The following CCDC178 variants were observed in gnomAD, a reference collection of about 807,000 sequenced individuals.
CCDC178 encodes the protein coiled-coil domain containing 178.
Under a neutral mutation model 117.4 loss-of-function variants are expected in CCDC178, and 126 were observed. The ratio of observed to expected loss-of-function variants is 1.07; its 90% CI spans 0.93 to 1.24. The LOEUF (loss-of-function observed/expected upper bound fraction) is 1.24, where lower values mean the gene tolerates loss of function less well. CCDC178 is among the 50% of genes most tolerant of loss of function. CCDC178 has a pLI of 0.00. For missense variants in CCDC178, 1,030 were observed against 986.9 expected (o/e 1.04, Z -0.59); for synonymous variants, 283 against 313.4 (o/e 0.90, Z 1.02).
chr18:32,956,677 TATAAAGTACTGTAGAAAC>T (rs1250628348), intron 22 of CCDC178: 1 of 152,118 alleles, frequency 6.6e-6, no homozygotes, highest in Non-Finnish European at 1.5e-5. Flanking sequence ...AAATTGAAAA[TATAAAGTACTGTAGAAAC>T]ATGAGCCAAG....
intron 20 of CCDC178, among the ~76,000 whole-genome samples, chr18:33,099,390 A>T (rs182780140): frequency 3.9e-5 from 6 of 152,018 alleles, no homozygotes; most frequent in Admixed American, 3.9e-4. Flanking sequence ...CACTGGAATG[A>T]TAGTTTTGCA....
chr18:32,963,135 T>C (rs2054741671), intron 22 of CCDC178, among the ~76,000 whole-genome samples: 1 of 152,070 alleles, frequency 6.6e-6, no homozygotes, highest in Non-Finnish European at 1.5e-5. Context: ...CCTAGGTTTA[T>C]GTCCTGAGGA....
chr18:33,376,516 G>C (rs953747897), intron 5 of CCDC178, among the ~76,000 whole-genome samples: 28 of 152,128 alleles, frequency 1.8e-4, no homozygotes, highest in Non-Finnish European at 8.8e-5. Flanking sequence ...ATGGTGTAAT[G>C]CTGAGGTTTG....
In CCDC178 at chr18:33,319,050, T is replaced by A. The variant is rs960552733; in HGVS notation, c.1022+4441A>T. On this transcript the variant is annotated intron_variant, in intron 11 of 22. Coordinates refer to ENST00000383096, the MANE Select transcript of CCDC178 (RefSeq NM_001105528.4). ...TCTCTCTTTTTTTAAATATATATAT[T>A]TTTTATTATACTTTAAGTTCTAGGG... 5.3e-5 allele frequency among the ~76,000 whole-genome samples: 8 copies of A among 152,124 alleles called. No homozygotes were observed. The East Asian group carries it at 5.8e-4, about 11-fold the overall frequency.
At chr18:33,226,708 G>T in intron 16 of CCDC178, 85 bp downstream of exon 16, 1 of 877,918 alleles carries the variant, frequency 1.1e-6, no homozygotes, top group Non-Finnish European at 1.8e-6. Flanking sequence ...GTAGTGACAA[G>T]ATGCCTCATT....
intron 22 of CCDC178, among the ~76,000 whole-genome samples, chr18:32,969,097 C>T (rs1053917572): frequency 5.9e-5 from 9 of 152,042 alleles, no homozygotes; most frequent in African/African-American, 2.2e-4. Flanking sequence ...TTTAATCTTA[C>T]TAAACCAGTT....
intron 9 of CCDC178, among the ~76,000 whole-genome samples, chr18:33,343,845 C>T (rs925464873): frequency 6.6e-6 from 1 of 152,122 alleles, no homozygotes; most frequent in Admixed American, 6.5e-5. Flanking sequence ...GTCTTACATG[C>T]TATATACTTT....
At chr18:33,126,573 T>C (rs2058006713) in intron 20 of CCDC178, among the ~76,000 whole-genome samples, 1 of 151,932 alleles carries the variant, frequency 6.6e-6, no homozygotes, top group Non-Finnish European at 1.5e-5. Context: ...AGTCTTGCAG[T>C]CAGCCCTGTG....
At chr18:33,063,779 C>G (rs1008349269) in intron 21 of CCDC178, among the ~76,000 whole-genome samples, 1 of 152,200 alleles carries the variant, frequency 6.6e-6, no homozygotes, top group African/African-American at 2.4e-5. Flanking sequence ...ACCTGGAGTT[C>G]TGAAGACTGG....
chr18:33,317,063 G>A (rs2062429463), intron 11 of CCDC178, among the ~76,000 whole-genome samples: 2 of 152,240 alleles, frequency 1.3e-5, no homozygotes, highest in South Asian at 2.1e-4. Flanking sequence ...CCAGATAAGA[G>A]AATAAAATCA....
At chr18:33,394,945 A>ATGTATG (rs1389405596) in intron 4 of CCDC178, among the ~76,000 whole-genome samples, 9 of 34,176 alleles carry the variant, frequency 2.6e-4, no homozygotes, top group Non-Finnish European at 4.7e-4. Flanking sequence ...ATGTATGTGT[A>ATGTATG]TATATATATA....
rs1170834878 is a variant in CCDC178 at position 33,333,339 on chromosome 18, T to G, written c.714A>C (p.Lys238Asn). The G allele has an allele frequency of 6.2e-7, 1 of 1,612,204 alleles. No homozygotes were observed. Among genetic ancestry groups the G allele is most frequent in the African/African-American group, 1.3e-5 (1 of 74,868 alleles). ...TTTCAAAATGTTGTAGTTGATTAGC[T>G]TTATCTTCAAGATGCCATTGTAATT... is the stretch of plus-strand genomic sequence containing the variant. ...VIELQWHLED[K>N]ANQLQHFEKQ... is the part of the protein sequence containing the mutation. The change falls in exon 10 of 23, where the codon AAA becomes AAC. Residue 238 changes from lysine to asparagine, a missense_variant. Coordinates refer to ENST00000383096, the MANE Select transcript of CCDC178 (RefSeq NM_001105528.4).
chr18:32,995,529 A>G (rs1272629782), intron 21 of CCDC178, among the ~76,000 whole-genome samples: 3 of 152,158 alleles, frequency 2.0e-5, no homozygotes, highest in African/African-American at 7.2e-5. Context: ...ATGTATACAA[A>G]ATAAACAACT....
intron 20 of CCDC178, among the ~76,000 whole-genome samples, chr18:33,177,334 C>T (rs2058675939): frequency 6.6e-6 from 1 of 151,944 alleles, no homozygotes; most frequent in Non-Finnish European, 1.5e-5. Context: ...GCACGTTCTG[C>T]ACATGTATCC....
At chr18:33,119,907 C>A (rs2057913499) in intron 20 of CCDC178, among the ~76,000 whole-genome samples, 2 of 151,962 alleles carry the variant, frequency 1.3e-5, no homozygotes, top group Admixed American at 1.3e-4. Flanking sequence ...AAGCTGGAAA[C>A]CATCATTCTC....
chr18:33,093,104 T>C (rs1372753195), intron 20 of CCDC178, among the ~76,000 whole-genome samples, 194 bp from the exon 21 acceptor site: 1 of 152,166 alleles, frequency 6.6e-6, no homozygotes, highest in Non-Finnish European at 1.5e-5. Context: ...AATAATATTC[T>C]TTTTTGATGC....
intron 22 of CCDC178, among the ~76,000 whole-genome samples, chr18:32,964,924 T>C (rs2054780762): frequency 1.3e-5 from 2 of 151,968 alleles, no homozygotes; most frequent in South Asian, 4.1e-4. Flanking sequence ...CTCTATTTTG[T>C]TTTTCTCATT....
In CCDC178 at chr18:33,412,457, AG is replaced by A. The variant is rs767818037; in HGVS notation, c.-22-348del. 9.0e-5 allele frequency among the ~76,000 whole-genome samples: 10 copies of A among 111,584 alleles called. No individual in the cohort carries two copies. In the East Asian group the frequency reaches 3.0e-3, roughly 33 times the overall value. 73.2% of individuals were successfully genotyped at this position (111,584 alleles called of 152,430 possible). ...CAATGTTTTCATTTCATATAATAAA[AG>A]TTTAACTTTACTACCATCTATCTCT... is the stretch of plus-strand genomic sequence containing the variant. On this transcript the variant is annotated intron_variant, in intron 2 of 22. Coordinates refer to ENST00000383096, the MANE Select transcript of CCDC178 (RefSeq NM_001105528.4).
intron 10 of CCDC178, among the ~76,000 whole-genome samples, chr18:33,331,794 G>A (rs2144625030): frequency 1.3e-5 from 2 of 152,220 alleles, no homozygotes; most frequent in South Asian, 4.1e-4. Flanking sequence ...TAGGCACTCT[G>A]AAAAATAACT....
Sources: gnomAD v4.1 joint callset for allele counts (sites outside exome capture counted in the v4.1 genomes callset) on GRCh38, gnomAD v4.1.1 for gene constraint, MANE v1.5 for transcripts, NCBI Gene and HGNC (gene_info 2026-07-23, HGNC 2026-07-21) for gene names.